The following CDH22 variants were observed in gnomAD, a reference collection of about 807,000 sequenced individuals.
The protein encoded by CDH22 is cadherin 22.
CDH22 carries 30 observed loss-of-function variants against 58.4 expected under a neutral mutation model. The ratio of observed to expected loss-of-function variants is 0.51; its 90% CI spans 0.38 to 0.70. The LOEUF (loss-of-function observed/expected upper bound fraction) is 0.70, where lower values mean the gene tolerates loss of function less well. Ranked by LOEUF, CDH22 falls within the 30% of genes least tolerant of loss-of-function variation. The pLI is 0.00. For synonymous variants in CDH22, 513 were observed against 558.2 expected (o/e 0.92, Z 1.14); for missense variants, 1,014 against 1,233.9 (o/e 0.82, Z 2.67).
intron 2 of CDH22, among the ~76,000 whole-genome samples, chr20:46,245,065 A>G (rs1030937099): frequency 6.6e-6 from 1 of 152,156 alleles, no homozygotes; most frequent in African/African-American, 2.4e-5. Context: ...TTCATAAGAT[A>G]ATATATGGAA....
intron 7 of CDH22, among the ~76,000 whole-genome samples, chr20:46,209,419 G>A (rs2145685513): frequency 1.3e-5 from 2 of 152,270 alleles, no homozygotes; most frequent in East Asian, 3.9e-4. Context: ...AGCTGTCATT[G>A]TAAGGGCTTG....
chr20:46,189,834 C>G (rs999718173), intron 8 of CDH22, among the ~76,000 whole-genome samples: 5 of 152,190 alleles, frequency 3.3e-5, no homozygotes, highest in African/African-American at 1.2e-4. Context: ...GGCCCCAGGT[C>G]AGTACCCATT....
In CDH22 at chr20:46,303,704, G is replaced by A. The variant is rs184129826; in HGVS notation, c.-400+4551C>T. 2.6e-4 allele frequency among the ~76,000 whole-genome samples: 39 copies of A among 152,234 alleles called. 1 individual carries two copies. The East Asian group carries it at 4.1e-3, about 16-fold the overall frequency. On this transcript the variant is annotated intron_variant, in intron 1 of 11. Transcript: ENST00000537909. ...GGTTGTTCAGGTGGAAGGGCAGGTG[G>A]GGCTGGATGCAGGAGTGTCAGATTG...
At chr20:46,261,442 A>G (rs961780015) in intron 1 of CDH22, among the ~76,000 whole-genome samples, 7 of 152,202 alleles carry the variant, frequency 4.6e-5, no homozygotes, top group African/African-American at 1.7e-4. Context: ...AGTCAAGAAG[A>G]GTGAAGAGTT....
Position 46,234,421 on chromosome 20 carries a change from A to G in CDH22, c.550+6542T>C, listed in dbSNP as rs572355808. Among the ~76,000 whole-genome samples the G allele has an allele frequency of 2.3e-3, 357 of 152,356 alleles. 3 individuals carry two copies. Among genetic ancestry groups the G allele is most frequent in the Non-Finnish European group, 4.4e-3 (298 of 68,036 alleles). On this transcript the variant is annotated intron_variant, in intron 3 of 11. Transcript: ENST00000537909. Reference sequence around the variant, plus strand: ...ATTTTTTCATTAGTAACATGAAGACACTAATACTGATCCTGCTTATTCCTC... The same window carrying G: ...ATTTTTTCATTAGTAACATGAAGACGCTAATACTGATCCTGCTTATTCCTC...
chr20:46,294,218 G>A (rs2086618816), intron 1 of CDH22, among the ~76,000 whole-genome samples: 1 of 152,170 alleles, frequency 6.6e-6, no homozygotes, highest in Admixed American at 6.5e-5. Flanking sequence ...TCATTCAGCT[G>A]CGTCCTTCCT....
In CDH22 at chr20:46,210,577, A is replaced by G; in HGVS notation, c.1033-17T>C. 7.0e-7 allele frequency: 1 copy of G among 1,423,592 alleles called. No individual in the cohort carries two copies. Among genetic ancestry groups the G allele is most frequent in the Non-Finnish European group, 9.2e-7 (1 of 1,085,156 alleles). 88.2% of individuals were successfully genotyped at this position (1,423,592 alleles called of 1,614,324 possible). On this transcript the variant is annotated splice_polypyrimidine_tract_variant and intron_variant, in intron 6 of 11. Coordinates refer to ENST00000537909, the MANE Select transcript of CDH22 (RefSeq NM_021248.3). The surrounding 1 kb of genome is among the most constrained non-coding windows in gnomAD (Gnocchi z 4.5). ...GTCCAGGCGCTGCGGGAGGGAGCAG[A>G]GGGCCGGTTAGTGGGTGGGGTCTGG...
At chr20:46,285,033 C>A (rs2086569853) in intron 1 of CDH22, among the ~76,000 whole-genome samples, 9 of 152,188 alleles carry the variant, frequency 5.9e-5, no homozygotes, top group Admixed American at 5.2e-4. Flanking sequence ...GCTGATCACT[C>A]CTGGTCTTCA....
intron 1 of CDH22, among the ~76,000 whole-genome samples, chr20:46,258,052 C>A (rs2086415063): frequency 6.6e-6 from 1 of 152,120 alleles, no homozygotes; most frequent in Admixed American, 6.5e-5. Flanking sequence ...TAATGTTCCC[C>A]CAGTTTGGAT....
intron 1 of CDH22, among the ~76,000 whole-genome samples, chr20:46,275,125 C>T (rs1014172635): frequency 3.3e-5 from 5 of 152,004 alleles, no homozygotes; most frequent in African/African-American, 1.2e-4. Flanking sequence ...AAAAAGTGGC[C>T]CCCATTTCTC....
intron 4 of CDH22, among the ~76,000 whole-genome samples, chr20:46,221,817 TGA>T (rs1007345093): frequency 1.8e-4 from 28 of 152,352 alleles, no homozygotes; most frequent in African/African-American, 6.3e-4. Context: ...TATTGCCCTC[TGA>T]GAGATCTAGG....
Position 46,308,457 on chromosome 20 carries a change from G to T in CDH22, c.-602C>A. 2 of 218,096 alleles carry T rather than the reference G, an allele frequency of 9.2e-6. No homozygotes were observed. The highest frequency in any genetic ancestry group is 1.8e-4 in the South Asian group (1 of 5,648). 13.5% of individuals were successfully genotyped at this position (218,096 alleles called of 1,614,324 possible). The stretch of plus-strand genomic sequence containing the variant: ...AGAGAGCGAGAGAGCGAGAGAGCGA[G>T]GGAGTGAGCGAGCGAGCGGGAGCGA... On this transcript the variant is annotated 5_prime_UTR_variant, in exon 1 of 12. Transcript: ENST00000537909. The surrounding 1 kb of genome is among the most constrained non-coding windows in gnomAD (Gnocchi z 4.3).
intron 8 of CDH22, among the ~76,000 whole-genome samples, chr20:46,195,904 C>G (rs1488220212): frequency 2.0e-5 from 3 of 152,160 alleles, no homozygotes; most frequent in Non-Finnish European, 4.4e-5. Flanking sequence ...AGGTGCTCAC[C>G]AAGCGCCGCC....
chr20:46,308,065 C>G lies in CDH22; in HGVS notation c.-400+190G>C, dbSNP rs146205835. On this transcript the variant is annotated intron_variant, in intron 1 of 11. Transcript: ENST00000537909. The surrounding 1 kb of genome is among the most constrained non-coding windows in gnomAD (Gnocchi z 4.3). ...GTTTGGACGTGGGAAACTCCCTCCC[C>G]GCCCTCCCGGCCGAGAGGAGGGGGC... 1.3e-5 allele frequency among the ~76,000 whole-genome samples: 2 copies of G among 151,500 alleles called. No homozygotes were observed. The highest frequency in any genetic ancestry group is 6.6e-5 in the Admixed American group (1 of 15,230).
At position 46,269,773 on chromosome 20, in the gene CDH22, G is replaced by C. The variant is rs1040139134; in HGVS notation, c.-399-18080C>G. On this transcript the variant is annotated intron_variant, in intron 1 of 11. Transcript: ENST00000537909. ...CCTGTTGCTTTCATTCTTGGGCTGGGGGCCTGAGGTCAGCATTCTCCCTGC... is the reference window on the plus strand; with the variant it reads ...CCTGTTGCTTTCATTCTTGGGCTGGCGGCCTGAGGTCAGCATTCTCCCTGC... Among the ~76,000 whole-genome samples, 4 of 152,288 alleles carry C rather than the reference G, an allele frequency of 2.6e-5. No individual in the cohort carries two copies. In the East Asian group the frequency reaches 7.7e-4, roughly 29 times the overall value.
At chr20:46,307,250 G>C (rs1423332627) in intron 1 of CDH22, among the ~76,000 whole-genome samples, 1 of 152,252 alleles carries the variant, frequency 6.6e-6, no homozygotes, top group Non-Finnish European at 1.5e-5. Flanking sequence ...TGCACCTCGG[G>C]GAGACCTCGG....
intron 8 of CDH22, among the ~76,000 whole-genome samples, chr20:46,195,387 C>T (rs1297423327): frequency 6.6e-6 from 1 of 152,216 alleles, no homozygotes; most frequent in Non-Finnish European, 1.5e-5. Context: ...AATCATAACA[C>T]GTGCTCTGTG....
At chr20:46,269,821 T>C (rs2086478612) in intron 1 of CDH22, among the ~76,000 whole-genome samples, 1 of 152,164 alleles carries the variant, frequency 6.6e-6, no homozygotes, top group Non-Finnish European at 1.5e-5. Flanking sequence ...CCCTGCGGAT[T>C]TCCCCATCCA....
chr20:46,303,960 T>C (rs2086663796), intron 1 of CDH22, among the ~76,000 whole-genome samples: 1 of 151,960 alleles, frequency 6.6e-6, no homozygotes, highest in Non-Finnish European at 1.5e-5. Context: ...CCACAACAGG[T>C]TAGGCATGAA....
Sources: gnomAD v4.1 joint callset for allele counts (sites outside exome capture counted in the v4.1 genomes callset) on GRCh38, gnomAD v4.1.1 for gene constraint, Gnocchi (gnomAD v3.1) non-coding constraint, MANE v1.5 for transcripts, NCBI Gene and HGNC (gene_info 2026-07-23, HGNC 2026-07-21) for gene names.